PCCA: variants seen among roughly 807,000 people sequenced by gnomAD.
PCCA encodes propionyl-CoA carboxylase alpha chain, mitochondrial.
In PCCA, 74 loss-of-function variants were observed where a neutral mutation model predicts 101.3. The observed-to-expected ratio is 0.73, with a 90% CI of 0.61 to 0.89. The LOEUF is 0.89. Ranked by LOEUF, PCCA falls within the 40% of genes least tolerant of loss-of-function variation. The probability of loss-of-function intolerance (pLI) is 0.00; values close to 1 mark genes in which losing one functional copy is unlikely to be tolerated. For missense variants in PCCA, 891 were observed against 907.0 expected (o/e 0.98, Z 0.23); for synonymous variants, 294 against 313.6 (o/e 0.94, Z 0.66).
At chr13:100,354,107 T>C (rs1595539376) in intron 18 of PCCA, among the ~76,000 whole-genome samples, 2 of 145,092 alleles carry the variant, frequency 1.4e-5, no homozygotes, top group Admixed American at 1.4e-4. Context: ...ATAATAATAA[T>C]AATAATAATA....
intron 19 of PCCA, among the ~76,000 whole-genome samples, chr13:100,374,730 A>G (rs1333304400): frequency 1.3e-5 from 2 of 152,054 alleles, no homozygotes; most frequent in African/African-American, 2.4e-5. Flanking sequence ...TTTTTGAAAA[A>G]TTTTGCCTGA....
intron 4 of PCCA, among the ~76,000 whole-genome samples, chr13:100,133,572 C>T (rs1189321526): frequency 6.6e-5 from 10 of 151,984 alleles, no homozygotes; most frequent in African/African-American, 4.8e-5. Flanking sequence ...GATTTGCAGT[C>T]GGTTTTTTTG....
chr13:100,326,406 G>A (rs577440851), intron 16 of PCCA, among the ~76,000 whole-genome samples: 2 of 152,216 alleles, frequency 1.3e-5, no homozygotes, highest in Admixed American at 6.5e-5. Flanking sequence ...CAGACAATGC[G>A]GCAGAAGGAT....
intron 6 of PCCA, among the ~76,000 whole-genome samples, chr13:100,169,530 TTTATTA>T (rs1168288454): frequency 6.6e-6 from 1 of 151,818 alleles, no homozygotes; most frequent in African/African-American, 2.4e-5. Context: ...TATTTTTTAT[TTTATTA>T]TTATTTTTTG....
rs188727542 is a variant in PCCA at position 100,457,313 on chromosome 13, C to T, written c.1899+8008C>T. On this transcript the variant is annotated intron_variant, in intron 21 of 23. Transcript: ENST00000376285. ...GCACCTAGATAATCTTTCACGCACA[C>T]GTTCTGACTATGAGCTATGAATGGA... is the stretch of plus-strand genomic sequence containing the variant. Among the ~76,000 whole-genome samples, 281 of 152,216 alleles carry T rather than the reference C, an allele frequency of 1.8e-3. 3 individuals are homozygous for T. The highest frequency in any genetic ancestry group is 3.2e-3 in the Non-Finnish European group (217 of 68,022).
intron 22 of PCCA, among the ~76,000 whole-genome samples, chr13:100,515,881 G>C (rs754750417): frequency 6.6e-6 from 1 of 152,234 alleles, no homozygotes; most frequent in Admixed American, 6.5e-5. Flanking sequence ...TCTCTAGTAT[G>C]CTGTGCTCAA....
At chr13:100,266,042 A>G (rs1229870504) in intron 10 of PCCA, among the ~76,000 whole-genome samples, 3 of 152,184 alleles carry the variant, frequency 2.0e-5, no homozygotes, top group Non-Finnish European at 2.9e-5. Flanking sequence ...TTAAATCTGT[A>G]ATTTAAGGGA....
chr13:100,367,286 G>A (rs138547021), intron 18 of PCCA, among the ~76,000 whole-genome samples: 73 of 152,242 alleles, frequency 4.8e-4, no homozygotes, highest in Admixed American at 9.8e-4. Flanking sequence ...GAAAAGACCC[G>A]TATGATAAGA....
chr13:100,250,567 C>T (rs1303757298), intron 8 of PCCA, among the ~76,000 whole-genome samples: 4 of 151,788 alleles, frequency 2.6e-5, no homozygotes, highest in African/African-American at 9.7e-5. Flanking sequence ...ATAGCTGTAA[C>T]TTATAATAGT....
At chr13:100,438,371 C>T (rs764856674) in intron 20 of PCCA, among the ~76,000 whole-genome samples, 5 of 152,034 alleles carry the variant, frequency 3.3e-5, no homozygotes, top group Non-Finnish European at 7.4e-5. Context: ...GCCCAGAACT[C>T]CTGGACTCCA....
chr13:100,410,076 G>C (rs2077938201), intron 19 of PCCA, among the ~76,000 whole-genome samples: 1 of 151,806 alleles, frequency 6.6e-6, no homozygotes, highest in Admixed American at 6.6e-5. Context: ...CCGTACTTGT[G>C]ATATGATTCA....
At chr13:100,442,295 G>GTCCTTCCT (rs76386150) in intron 20 of PCCA, among the ~76,000 whole-genome samples, 1 of 151,860 alleles carries the variant, frequency 6.6e-6, no homozygotes, top group Non-Finnish European at 1.5e-5. Context: ...CGCCTGGCCT[G>GTCCTTCCT]TCCTTCCTTC....
chr13:100,462,516 T>G (rs979687858), intron 21 of PCCA, among the ~76,000 whole-genome samples: 1 of 152,196 alleles, frequency 6.6e-6, no homozygotes, highest in Non-Finnish European at 1.5e-5. Context: ...TAGGCTTATA[T>G]AGTAGCAGAG....
chr13:100,098,279 TTTGAA>T (rs2046959485), intron 1 of PCCA, among the ~76,000 whole-genome samples: 1 of 152,180 alleles, frequency 6.6e-6, no homozygotes, highest in Admixed American at 6.5e-5. Flanking sequence ...CAAAGTATTA[TTTGAA>T]TATGTAAATG....
At chr13:100,103,251 C>G (rs2152252022) in intron 2 of PCCA, among the ~76,000 whole-genome samples, 1 of 151,782 alleles carries the variant, frequency 6.6e-6, no homozygotes, top group Middle Eastern at 3.5e-3. Flanking sequence ...AACATTTGTT[C>G]TTAAAGACTG....
At chr13:100,433,223 A>G (rs1258027661) in intron 20 of PCCA, among the ~76,000 whole-genome samples, 1 of 152,132 alleles carries the variant, frequency 6.6e-6, no homozygotes, top group African/African-American at 2.4e-5. Context: ...TTGCTGCACC[A>G]TTTTACATTC....
chr13:100,495,050 C>T (rs138807368), intron 21 of PCCA, among the ~76,000 whole-genome samples: 1 of 152,032 alleles, frequency 6.6e-6, no homozygotes, highest in East Asian at 1.9e-4. Context: ...GGCAGTATTG[C>T]CCCCGGGCAT....
At chr13:100,093,947 G>T (rs887175641) in intron 1 of PCCA, among the ~76,000 whole-genome samples, 7 of 151,650 alleles carry the variant, frequency 4.6e-5, no homozygotes, top group African/African-American at 1.7e-4. Flanking sequence ...TCAAAAAAAA[G>T]TCTGGGCACG....
chr13:100,266,777 G>A (rs1209868799), intron 10 of PCCA, among the ~76,000 whole-genome samples: 1 of 152,156 alleles, frequency 6.6e-6, no homozygotes, highest in East Asian at 1.9e-4. Context: ...GGCACTACTG[G>A]CATTTCCTGG....
Sources: gnomAD v4.1 joint callset for allele counts (sites outside exome capture counted in the v4.1 genomes callset) on GRCh38, gnomAD v4.1.1 for gene constraint, MANE v1.5 for transcripts, NCBI Gene and HGNC (gene_info 2026-07-23, HGNC 2026-07-21) for gene names.